Variants in ROBO2 observed in about 807,000 individuals in gnomAD.
The protein encoded by ROBO2 is roundabout guidance receptor 2.
In ROBO2, 53 loss-of-function variants were observed where a neutral mutation model predicts 160.8. That is an observed-to-expected ratio of 0.33 (90% CI 0.26 to 0.41). ROBO2 has a LOEUF of 0.41. Ranked by LOEUF, ROBO2 falls within the 10% of genes least tolerant of loss-of-function variation. The pLI is 1.00. For missense variants in ROBO2, 1,577 were observed against 1,722.4 expected, an observed-to-expected ratio of 0.92 and a Z score of 1.49; for synonymous variants, 664 against 611.7, an observed-to-expected ratio of 1.09 and a Z score of -1.26.
chr3:76,291,892 A>ATT (rs146450239), intron 2 of ROBO2, among the ~76,000 whole-genome samples: 1 of 148,782 alleles, frequency 6.7e-6, no homozygotes, highest in Non-Finnish European at 1.5e-5. Context: ...AGTTGATATG[A>ATT]TTTTTTTTTT....
At chr3:77,006,305 TTG>T (rs60754546) in intron 2 of ROBO2, among the ~76,000 whole-genome samples, 3,452 of 143,812 alleles carry the variant, frequency 0.024, 35 homozygotes, top group South Asian at 0.038. Flanking sequence ...ATTTTAATAT[TTG>T]TGTGTGTGTG....
chr3:77,380,214 T>G (rs2073258477), intron 2 of ROBO2, among the ~76,000 whole-genome samples: 1 of 152,234 alleles, frequency 6.6e-6, no homozygotes, highest in Admixed American at 6.5e-5. Context: ...GCAGAATATC[T>G]TGCTTTTTTT....
chr3:76,191,609 G>A (rs1019056694), intron 2 of ROBO2, among the ~76,000 whole-genome samples: 1 of 151,676 alleles, frequency 6.6e-6, no homozygotes, highest in African/African-American at 2.4e-5. Flanking sequence ...GTTCAATTCT[G>A]CATTATAAAA....
intron 2 of ROBO2, among the ~76,000 whole-genome samples, chr3:76,556,507 G>A (rs544973487): frequency 1.3e-5 from 2 of 152,270 alleles, no homozygotes; most frequent in South Asian, 2.1e-4. Context: ...TATCAGTATT[G>A]TGACAGTTGA....
At chr3:77,232,751 G>C (rs1259887754) in intron 2 of ROBO2, among the ~76,000 whole-genome samples, 1 of 151,978 alleles carries the variant, frequency 6.6e-6, no homozygotes, top group Admixed American at 6.6e-5. Context: ...TTGTACTTTG[G>C]TAAGTTATAT....
intron 2 of ROBO2, among the ~76,000 whole-genome samples, chr3:76,025,184 T>C (rs1240487319): frequency 6.6e-6 from 1 of 151,642 alleles, no homozygotes; most frequent in Non-Finnish European, 1.5e-5. Context: ...ATGCTAAATA[T>C]TTAAATATAG....
At chr3:76,064,003 T>C (rs1466384913) in intron 2 of ROBO2, among the ~76,000 whole-genome samples, 3 of 152,134 alleles carry the variant, frequency 2.0e-5, no homozygotes, top group Non-Finnish European at 4.4e-5. Flanking sequence ...CTCCAAGAGT[T>C]GAAAGCAACT....
At chr3:77,013,981 T>C (rs552403757) in intron 2 of ROBO2, among the ~76,000 whole-genome samples, 3 of 152,354 alleles carry the variant, frequency 2.0e-5, no homozygotes, top group Admixed American at 1.3e-4. Context: ...TATAAACATA[T>C]AGTCAACAGA....
chr3:77,131,942 G>A (rs1406717395), intron 2 of ROBO2, among the ~76,000 whole-genome samples: 2 of 152,076 alleles, frequency 1.3e-5, no homozygotes, highest in Non-Finnish European at 2.9e-5. Flanking sequence ...TTTTAAAAGA[G>A]TAATATTCTA....
At chr3:77,536,319 C>T (rs1005299034) in intron 6 of ROBO2, among the ~76,000 whole-genome samples, 4 of 152,074 alleles carry the variant, frequency 2.6e-5, no homozygotes, top group African/African-American at 9.7e-5. Context: ...GGGAGGAGCA[C>T]TCTCCCACCC....
At chr3:76,425,002 G>T (rs2076152358) in intron 2 of ROBO2, among the ~76,000 whole-genome samples, 1 of 151,988 alleles carries the variant, frequency 6.6e-6, no homozygotes, top group South Asian at 2.1e-4. Flanking sequence ...GTTTTTGTAG[G>T]TCTAAATCAA....
chr3:76,912,166 A>G (rs777879971), intron 2 of ROBO2, among the ~76,000 whole-genome samples: 1 of 152,038 alleles, frequency 6.6e-6, no homozygotes. Flanking sequence ...AATTCTCTGT[A>G]TTTGCTTTCT....
At position 76,971,742 on chromosome 3, in the gene ROBO2, A is replaced by G. The variant is rs575811425; in HGVS notation, c.110-126272A>G. On this transcript the variant is annotated intron_variant, in intron 2 of 26. Transcript: ENST00000487694. ...TACAATTCAAAAGAATGCTATTAAT[A>G]GCTTAAAGGCAAATTATTGGCCATA... is the stretch of plus-strand genomic sequence containing the variant. Among the ~76,000 whole-genome samples, 7 of 152,330 alleles carry G rather than the reference A, an allele frequency of 4.6e-5. No individual in the cohort carries two copies. In the South Asian group the frequency reaches 1.4e-3, roughly 32 times the overall value.
intron 2 of ROBO2, among the ~76,000 whole-genome samples, chr3:77,138,668 T>A (rs1357846991): frequency 7.4e-6 from 1 of 135,314 alleles, no homozygotes; most frequent in African/African-American, 2.5e-5. Context: ...TGTTTATCCC[T>A]TGTTTAATGT....
rs550085302 is a variant in ROBO2 at position 76,756,184 on chromosome 3, G to A, written c.110-341830G>A. 5.3e-5 allele frequency among the ~76,000 whole-genome samples: 8 copies of A among 151,782 alleles called. No individual in the cohort carries two copies. The East Asian group carries it at 1.2e-3, about 22-fold the overall frequency. The stretch of plus-strand genomic sequence containing the variant: ...TTGTCTCAAGCAAATATGTTACAGC[G>A]TTATTTTTACTCTTCGAATATGTTT... On this transcript the variant is annotated intron_variant, in intron 2 of 26. Coordinates refer to the ROBO2 transcript ENST00000487694.
At chr3:76,716,030 T>C (rs1036206209) in intron 2 of ROBO2, among the ~76,000 whole-genome samples, 2 of 152,348 alleles carry the variant, frequency 1.3e-5, no homozygotes, top group Non-Finnish European at 1.5e-5. Context: ...CAAAATGATA[T>C]TCTTATAAAG....
At chr3:76,041,920 A>G (rs2067286045) in intron 2 of ROBO2, among the ~76,000 whole-genome samples, 1 of 151,574 alleles carries the variant, frequency 6.6e-6, no homozygotes, top group Non-Finnish European at 1.5e-5. Context: ...GTTTCTCTTG[A>G]TCATCGGAAA....
At chr3:77,048,454 C>T (rs1322971886) in intron 1 of ROBO2, among the ~76,000 whole-genome samples, 1 of 152,138 alleles carries the variant, frequency 6.6e-6, no homozygotes, top group African/African-American at 2.4e-5. Context: ...AGGAATCACA[C>T]AAATGGCAAT....
rs569342782 is a variant in ROBO2 at position 77,276,656 on chromosome 3, G to A, written c.388+178316G>A. 2.6e-5 allele frequency among the ~76,000 whole-genome samples: 4 copies of A among 152,268 alleles called. No homozygotes were observed. The East Asian group carries it at 5.8e-4, about 22-fold the overall frequency. On this transcript the variant is annotated intron_variant, in intron 2 of 25. Transcript: ENST00000461745. ...GGTTCCAGCTACTCGGGAGGCTTAG[G>A]CAGGGGGATCACTTGGGCTCAGGAG...
Sources: allele counts gnomAD v4.1 joint callset (sites outside exome capture counted in the v4.1 genomes callset), GRCh38; gene constraint gnomAD v4.1.1; transcripts MANE v1.5; gene names NCBI Gene and HGNC (gene_info 2026-07-23, HGNC 2026-07-21).